Variants in AFAP1 observed in about 807,000 individuals in gnomAD.
The protein encoded by AFAP1 is actin filament associated protein 1, also known as actin filament-associated protein 1.
AFAP1 carries 75 observed loss-of-function variants against 93.9 expected under a neutral mutation model. The ratio of observed to expected loss-of-function variants is 0.80; its 90% CI spans 0.66 to 0.97. AFAP1 has a LOEUF of 0.97. AFAP1 is among the 50% of genes least tolerant of loss of function. AFAP1 has a pLI of 0.00. For missense variants in AFAP1, 1,201 were observed against 1,050.8 expected (o/e 1.14, Z -1.98); for synonymous variants, 517 against 430.7 (o/e 1.20, Z -2.48).
At chr4:7,842,237 A>G (rs1382518335) in intron 5 of AFAP1, among the ~76,000 whole-genome samples, 1 of 148,182 alleles carries the variant, frequency 6.7e-6, no homozygotes, top group South Asian at 2.1e-4. Flanking sequence ...AAAATATATA[A>G]TATCCTAGGA....
Position 7,923,635 on chromosome 4 carries a change from C to A in AFAP1, c.-3+16021G>T, listed in dbSNP as rs952035753. Among the ~76,000 whole-genome samples the A allele has an allele frequency of 2.0e-5, 3 of 152,202 alleles. No individual in the cohort carries two copies. The East Asian group carries it at 5.8e-4, about 29-fold the overall frequency. On this transcript the variant is annotated intron_variant, in intron 1 of 17. Transcript: ENST00000420658. ...CTGGGATTACAGGCACATGCCACCACGCCCAACTAATTTTTGTATTTTTAG... is the reference window on the plus strand; with the variant it reads ...CTGGGATTACAGGCACATGCCACCAAGCCCAACTAATTTTTGTATTTTTAG...
intron 4 of AFAP1, among the ~76,000 whole-genome samples, chr4:7,854,040 G>A (rs766687327): frequency 3.9e-4 from 59 of 152,272 alleles, no homozygotes; most frequent in Non-Finnish European, 5.1e-4. Flanking sequence ...TCTGTTTCCA[G>A]CCTTGAAAGT....
At chr4:7,768,590 G>A (rs1410698608) in intron 17 of AFAP1, among the ~76,000 whole-genome samples, 2 of 152,130 alleles carry the variant, frequency 1.3e-5, no homozygotes, top group Non-Finnish European at 2.9e-5. Context: ...AGATGACTCT[G>A]GAGCCAATTG....
chr4:7,860,748 G>C (rs1049566484), intron 3 of AFAP1, among the ~76,000 whole-genome samples: 1 of 152,136 alleles, frequency 6.6e-6, no homozygotes, highest in African/African-American at 2.4e-5. Context: ...CGGGCTGAGC[G>C]GACAAGATGT....
chr4:7,883,596 G>T (rs1032018969), intron 1 of AFAP1, among the ~76,000 whole-genome samples: 1 of 152,164 alleles, frequency 6.6e-6, no homozygotes, highest in Non-Finnish European at 1.5e-5. Flanking sequence ...TCTATTGGCA[G>T]CTGATGTGAA....
At chr4:7,826,020 C>T (rs918917704) in intron 6 of AFAP1, among the ~76,000 whole-genome samples, 7 of 151,224 alleles carry the variant, frequency 4.6e-5, no homozygotes, top group Admixed American at 2.6e-4. Context: ...AAAAAACCTA[C>T]ATGAACTAAA....
chr4:7,915,610 T>C (rs888661530), intron 1 of AFAP1, among the ~76,000 whole-genome samples: 5 of 152,272 alleles, frequency 3.3e-5, no homozygotes, highest in Non-Finnish European at 7.3e-5. Flanking sequence ...TTTAGTTCTA[T>C]GCTGCTACTT....
At chr4:7,809,003 T>G (rs935888527) in intron 9 of AFAP1, among the ~76,000 whole-genome samples, 1 of 152,140 alleles carries the variant, frequency 6.6e-6, no homozygotes, top group African/African-American at 2.4e-5. Context: ...CAGGCATTCC[T>G]TTGGCAGCAA....
intron 3 of AFAP1, among the ~76,000 whole-genome samples, chr4:7,856,603 G>C (rs117173022): frequency 6.6e-6 from 1 of 152,308 alleles, no homozygotes; most frequent in East Asian, 1.9e-4. Context: ...CATAGCCTTA[G>C]AATATGGACG....
At chr4:7,929,309 T>G (rs562884180) in intron 1 of AFAP1, among the ~76,000 whole-genome samples, 6 of 152,298 alleles carry the variant, frequency 3.9e-5, no homozygotes, top group Admixed American at 1.3e-4. Context: ...TGGCCCAGGC[T>G]GCCCCCATCT....
At chr4:7,844,166 T>G (rs1317967219) in intron 4 of AFAP1, among the ~76,000 whole-genome samples, 1 of 133,974 alleles carries the variant, frequency 7.5e-6, no homozygotes, top group East Asian at 2.1e-4. Flanking sequence ...GAAATTCAAG[T>G]GTTGAAGCTC....
At chr4:7,778,086 AG>A in intron 14 of AFAP1, 1 of 153,198 alleles carries the variant, frequency 6.5e-6, no homozygotes, top group Non-Finnish European at 1.5e-5. Context: ...TGGAGTCTGA[AG>A]GCCTGGCACC....
At chr4:7,905,068 G>A (rs960469092) in intron 1 of AFAP1, among the ~76,000 whole-genome samples, 5 of 152,140 alleles carry the variant, frequency 3.3e-5, no homozygotes, top group African/African-American at 7.2e-5. Flanking sequence ...AGACTGCAGC[G>A]AGTCTCCTGG....
In AFAP1 at chr4:7,760,177, C is replaced by G. The variant is rs545609499; in HGVS notation, c.*3588G>C. On this transcript the variant is annotated 3_prime_UTR_variant, in exon 18 of 18. Coordinates refer to ENST00000420658, the MANE Select transcript of AFAP1 (RefSeq NM_001134647.2). Reference sequence around the variant, plus strand: ...CAAACTCCTTCCTGGGGGTGGCCTCCAGAGCTGAGGCCACACTTTTTGAAA... The same window carrying G: ...CAAACTCCTTCCTGGGGGTGGCCTCGAGAGCTGAGGCCACACTTTTTGAAA... 3 of 152,342 alleles carry G rather than the reference C, an allele frequency of 2.0e-5. No individual in the cohort carries two copies. In the East Asian group the frequency reaches 5.8e-4, roughly 29 times the overall value. 9.4% of individuals were successfully genotyped at this position (152,342 alleles called of 1,614,324 possible).
chr4:7,864,883 C>G (rs578030854), intron 3 of AFAP1, among the ~76,000 whole-genome samples: 2 of 152,038 alleles, frequency 1.3e-5, no homozygotes, highest in Non-Finnish European at 2.9e-5. Flanking sequence ...GAGGCCTAGG[C>G]AGGAGGATTG....
chr4:7,834,910 G>C (rs527381668), intron 6 of AFAP1, among the ~76,000 whole-genome samples: 1 of 151,382 alleles, frequency 6.6e-6, no homozygotes, highest in African/African-American at 2.4e-5. Context: ...AATGGACTGC[G>C]GGCAGCCTTA....
At chr4:7,785,726 C>T (rs1181336149) in intron 12 of AFAP1, among the ~76,000 whole-genome samples, 1 of 152,008 alleles carries the variant, frequency 6.6e-6, no homozygotes, top group Non-Finnish European at 1.5e-5. Context: ...CACTTGAGCC[C>T]AGGAGTTCAA....
At chr4:7,896,975 G>A (rs960855613) in intron 1 of AFAP1, among the ~76,000 whole-genome samples, 5 of 152,006 alleles carry the variant, frequency 3.3e-5, no homozygotes, top group Admixed American at 6.5e-5. Context: ...TGTCACCTAC[G>A]TGGCTGGTCT....
In AFAP1 at chr4:7,811,613, C is replaced by T. The variant is rs571778261; in HGVS notation, c.905-1850G>A. ...CCTTGCCCTCCCACACTCCACCCTCCCGCTTAGGTCCTGGTCCTATAGCGT... is the reference window on the plus strand; with the variant it reads ...CCTTGCCCTCCCACACTCCACCCTCTCGCTTAGGTCCTGGTCCTATAGCGT... On this transcript the variant is annotated intron_variant, in intron 8 of 17. Coordinates refer to ENST00000420658, the MANE Select transcript of AFAP1 (RefSeq NM_001134647.2). Among the ~76,000 whole-genome samples, 15 of 152,252 alleles carry T rather than the reference C, an allele frequency of 9.9e-5. No individual in the cohort carries two copies. The South Asian group carries it at 3.1e-3, about 32-fold the overall frequency.
Sources: allele counts gnomAD v4.1 joint callset (sites outside exome capture counted in the v4.1 genomes callset), GRCh38; gene constraint gnomAD v4.1.1; transcripts MANE v1.5; gene names NCBI Gene and HGNC (gene_info 2026-07-23, HGNC 2026-07-21).